The following RSRP1 variants were observed in gnomAD, a reference collection of about 807,000 sequenced individuals.
RSRP1 encodes the protein arginine/serine-rich protein 1.
A neutral mutation model predicts 33.0 loss-of-function variants in RSRP1; 37 were observed. The observed-to-expected ratio is 1.12, with a 90% CI of 0.86 to 1.48. The LOEUF is 1.48. RSRP1 is among the 40% of genes most tolerant of loss of function. RSRP1 has a pLI of 0.00. For missense variants in RSRP1, 402 were observed against 385.3 expected (o/e 1.04, Z -0.36); for synonymous variants, 167 against 158.7 (o/e 1.05, Z -0.40).
intron 1 of RSRP1, among the ~76,000 whole-genome samples, chr1:25,330,865 A>G (rs1362889358): frequency 2.5e-5 from 3 of 120,060 alleles, no homozygotes; most frequent in African/African-American, 8.6e-5. Flanking sequence ...TTCTGGTGAG[A>G]CCTCTCTCCC....
rs542449543 is a variant in RSRP1, at chr1:25,331,416, C to A, written c.-67+6562G>T. Reference sequence around the variant, plus strand: ...GCTTCAAAAGATGAATCTGAGGGAGCTCAATTCAGTAAATAGCAGTAGTCA... The same window carrying A: ...GCTTCAAAAGATGAATCTGAGGGAGATCAATTCAGTAAATAGCAGTAGTCA... On this transcript the variant is annotated intron_variant, in intron 1 of 1. Coordinates refer to the RSRP1 transcript ENST00000561867. Among the ~76,000 whole-genome samples, 53 of 131,866 alleles carry A rather than the reference C, an allele frequency of 4.0e-4. 5 individuals carry two copies. The East Asian group carries it at 9.4e-3, about 23-fold the overall frequency. The allele number at this position is 131,866 out of a possible 152,430, so 86.5% of individuals were successfully genotyped here. A position where few individuals can be genotyped will look rare whatever the true frequency, so the allele number is the denominator to read the frequency against.
chr1:25,290,842 C>T (rs1399696652), intron 1 of RSRP1: 1 of 1,356,660 alleles, frequency 7.4e-7, no homozygotes. Flanking sequence ...GCCAAAAGCT[C>T]CATTTGGTGG....
intron 3 of RSRP1, chr1:25,243,982 C>T: frequency 1.7e-6 from 2 of 1,154,890 alleles, no homozygotes; most frequent in East Asian, 6.3e-5. Flanking sequence ...ACCTAATCGT[C>T]TGAACAAAGA....
intron 1 of RSRP1, among the ~76,000 whole-genome samples, chr1:25,312,956 C>G (rs1254789809): frequency 4.9e-5 from 1 of 20,474 alleles, no homozygotes; most frequent in East Asian, 1.5e-3. Context: ...AAAAAAAAAA[C>G]TTTAGTGCTA....
chr1:25,288,339 GC>G (rs1443677185), intron 1 of RSRP1, among the ~76,000 whole-genome samples: 1 of 124,248 alleles, frequency 8.0e-6, no homozygotes, highest in African/African-American at 2.7e-5. Context: ...ACCACACCTA[GC>G]TTTTTTTTTT....
chr1:25,243,629 G>A lies in RSRP1; in HGVS notation c.677C>T (p.Ser226Leu), dbSNP rs775912262. The change falls in exon 4 of 5, where the codon TCG becomes TTG. Residue 226 changes from serine to leucine, a missense_variant. Coordinates refer to ENST00000243189, the MANE Select transcript of RSRP1 (RefSeq NM_020317.5). ...VSSNGAKPEL[S>L]EKVTEDGTRN... ...AGTTCCATCTTCTGTTACCTTTTCC[G>A]ACAGCTAGACAGGTTAAGAAAAAGT... is the stretch of plus-strand genomic sequence containing the variant. The A allele has an allele frequency of 1.4e-5, 22 of 1,613,278 alleles. No individual in the cohort carries two copies. The highest frequency in any genetic ancestry group is 3.3e-5 in the Admixed American group (2 of 59,958).
intron 1 of RSRP1, among the ~76,000 whole-genome samples, chr1:25,302,424 C>G (rs1231473912): frequency 7.8e-6 from 1 of 128,704 alleles, no homozygotes; most frequent in African/African-American, 2.7e-5. Flanking sequence ...AATGTGGCCA[C>G]AGATGACAGC....
intron 1 of RSRP1, among the ~76,000 whole-genome samples, chr1:25,254,674 T>A (rs1363038493): frequency 6.6e-6 from 1 of 152,148 alleles, no homozygotes; most frequent in African/African-American, 2.4e-5. Flanking sequence ...GATCTCGTGA[T>A]CTGCCCACCT....
intron 1 of RSRP1, among the ~76,000 whole-genome samples, chr1:25,254,714 G>A (rs1213544907): frequency 1.3e-5 from 2 of 152,154 alleles, no homozygotes; most frequent in East Asian, 1.9e-4. Flanking sequence ...GATTACAGGC[G>A]TGAGCCACCA....
In RSRP1 at chr1:25,303,339, G is replaced by A. The variant is rs150606530; in HGVS notation, c.-67+34639C>T. 2.7e-3 allele frequency: 3,736 copies of A among 1,369,344 alleles called. 676 individuals carry two copies. The African/African-American group carries it at 0.038, about 14-fold the overall frequency. The allele number at this position is 1,369,344 out of a possible 1,614,324, so 84.8% of individuals were successfully genotyped here. On this transcript the variant is annotated intron_variant, in intron 1 of 1. Transcript: ENST00000561867. The stretch of plus-strand genomic sequence containing the variant: ...CTTTGCAGACTTATGTGCACAGTGC[G>A]GTGTTGGCAGGAGGCGTGGCTGTGG...
rs1261127571 is a variant in RSRP1 at position 25,302,181 on chromosome 1, GC to G, written c.-67+35796del. ...TGTAAAGTGGGAATTAAGAGATGGTGCATGTAAAGTGCTTAACGGGGAGTAA... is the reference window on the plus strand; with the variant it reads ...TGTAAAGTGGGAATTAAGAGATGGTGATGTAAAGTGCTTAACGGGGAGTAA... On this transcript the variant is annotated intron_variant, in intron 1 of 1. Coordinates refer to the RSRP1 transcript ENST00000561867. Among the ~76,000 whole-genome samples, 23 of 131,656 alleles carry G rather than the reference GC, an allele frequency of 1.7e-4. 7 individuals are homozygous for G. The highest frequency in any genetic ancestry group is 3.8e-4 in the Non-Finnish European group (21 of 55,812). 86.4% of individuals were successfully genotyped at this position (131,656 alleles called of 152,430 possible).
At chr1:25,309,871 G>A (rs1644049618) in intron 1 of RSRP1, among the ~76,000 whole-genome samples, 1 of 133,198 alleles carries the variant, frequency 7.5e-6, no homozygotes, top group Admixed American at 7.3e-5. Flanking sequence ...TCATGGTGAT[G>A]GATTTCTGCT....
In RSRP1 at chr1:25,303,474, A is replaced by C; in HGVS notation, c.-67+34504T>G. Reference sequence around the variant, plus strand: ...AGTACCTGCCGGTAAGAAACTAGACAACTAACCTCCTCTGCTTTGGCTGAA... The same window carrying C: ...AGTACCTGCCGGTAAGAAACTAGACCACTAACCTCCTCTGCTTTGGCTGAA... On this transcript the variant is annotated intron_variant, in intron 1 of 1. Coordinates refer to the RSRP1 transcript ENST00000561867. 1.5e-6 allele frequency: 2 copies of C among 1,378,370 alleles called. 1 individual carries two copies. The highest frequency in any genetic ancestry group is 2.0e-6 in the Non-Finnish European group (2 of 978,478). 85.4% of individuals were successfully genotyped at this position (1,378,370 alleles called of 1,614,324 possible). A position where few individuals can be genotyped will look rare whatever the true frequency, so the allele number is the denominator to read the frequency against.
rs1225727991 is a variant in RSRP1, at chr1:25,306,689, G to GTGC, written c.-67+31286_-67+31288dup. 5.8e-6 allele frequency: 8 copies of GTGC among 1,378,494 alleles called. 2 individuals carry two copies. The highest frequency in any genetic ancestry group is 8.2e-6 in the Non-Finnish European group (8 of 979,100). The allele number at this position is 1,378,494 out of a possible 1,614,324, so 85.4% of individuals were successfully genotyped here. A position where few individuals can be genotyped will look rare whatever the true frequency, so the allele number is the denominator to read the frequency against. On this transcript the variant is annotated intron_variant, in intron 1 of 1. Coordinates refer to the RSRP1 transcript ENST00000561867. ...TCTGCTTGGAGAGATCATCTACATTGTGCTGCTGGTGCTTGATACCGTCGG... is the reference window on the plus strand; with the variant it reads ...TCTGCTTGGAGAGATCATCTACATTGTGCTGCTGCTGGTGCTTGATACCGTCGG...
intron 1 of RSRP1, among the ~76,000 whole-genome samples, chr1:25,319,587 C>T (rs1644587918): frequency 7.6e-6 from 1 of 131,796 alleles, no homozygotes; most frequent in African/African-American, 2.6e-5. Flanking sequence ...CCAGCCTGGA[C>T]AACAGAGCAA....
At chr1:25,256,104 G>A (rs148927248) in intron 1 of RSRP1, among the ~76,000 whole-genome samples, 72 of 151,352 alleles carry the variant, frequency 4.8e-4, no homozygotes, top group Admixed American at 8.6e-4. Flanking sequence ...TTCGTTAAAC[G>A]CTATTAATGG....
rs1349573362 is a variant in RSRP1, at chr1:25,329,526, A to G, written c.-67+8452T>C. ...CCAAAGTGCTGGAACCACAGGCCTGAGCCACTGTGCCCAGCCTTGTTTGCT... is the reference window on the plus strand; with the variant it reads ...CCAAAGTGCTGGAACCACAGGCCTGGGCCACTGTGCCCAGCCTTGTTTGCT... On this transcript the variant is annotated intron_variant, in intron 1 of 1. Coordinates refer to the RSRP1 transcript ENST00000561867. The G allele has an allele frequency of 2.6e-5, 5 of 194,582 alleles. 2 individuals carry two copies. The highest frequency in any genetic ancestry group is 7.6e-5 in the African/African-American group (3 of 39,634). 12.1% of individuals were successfully genotyped at this position (194,582 alleles called of 1,614,324 possible).
intron 1 of RSRP1, among the ~76,000 whole-genome samples, chr1:25,307,294 G>A (rs1190222193): frequency 7.6e-6 from 1 of 131,838 alleles, no homozygotes; most frequent in Non-Finnish European, 1.8e-5. Flanking sequence ...TGGGCCTCCA[G>A]ACCAGAGGTA....
In RSRP1 at chr1:25,293,354, T is replaced by TC. The variant is rs1331842798; in HGVS notation, c.-67+44623_-67+44624insG. 6.9e-5 allele frequency among the ~76,000 whole-genome samples: 9 copies of TC among 130,768 alleles called. 2 individuals are homozygous for TC. 85.8% of individuals were successfully genotyped at this position (130,768 alleles called of 152,430 possible). ...GCCGATGCAGGGACAGTTCATCTTT[T>TC]TTTTTTTTTTATACAACATTTTATT... is the stretch of plus-strand genomic sequence containing the variant. On this transcript the variant is annotated intron_variant, in intron 1 of 1. Coordinates refer to the RSRP1 transcript ENST00000561867.
Sources: gnomAD v4.1 joint callset for allele counts (sites outside exome capture counted in the v4.1 genomes callset) on GRCh38, gnomAD v4.1.1 for gene constraint, MANE v1.5 for transcripts, NCBI Gene and HGNC (gene_info 2026-07-23, HGNC 2026-07-21) for gene names.